Variants in IL1RN observed in about 807,000 individuals in gnomAD.
IL1RN encodes the protein interleukin-1 receptor antagonist protein.
In IL1RN, 10 loss-of-function variants were observed where a neutral mutation model predicts 13.7. The observed-to-expected ratio is 0.73, with a 90% CI of 0.45 to 1.24. The LOEUF (loss-of-function observed/expected upper bound fraction) is 1.24, where lower values mean the gene tolerates loss of function less well. IL1RN is among the 50% of genes most tolerant of loss of function. The pLI, the probability that IL1RN is intolerant of heterozygous loss-of-function variation, is 0.00. For synonymous variants in IL1RN, 102 were observed against 82.7 expected (o/e 1.23, Z -1.27); for missense variants, 213 against 222.1 (o/e 0.96, Z 0.26).
chr2:113,119,540 G>A (rs1179853352), intron 1 of IL1RN, among the ~76,000 whole-genome samples: 4 of 152,216 alleles, frequency 2.6e-5, no homozygotes, highest in Non-Finnish European at 4.4e-5. Context: ...CTGTCCCCCA[G>A]TGGGTACAAT....
chr2:113,116,842 T>C (rs1165892323), upstream of IL1RN, among the ~76,000 whole-genome samples: 1 of 152,216 alleles, frequency 6.6e-6, no homozygotes, highest in African/African-American at 2.4e-5. Context: ...GTACTGCGTG[T>C]CATTCATGCT....
intron 1 of IL1RN, chr2:113,118,088 T>C (rs1368057674): frequency 2.4e-5 from 39 of 1,612,744 alleles, no homozygotes; most frequent in Non-Finnish European, 3.3e-5. Context: ...ATGTCTACAA[T>C]TGGTGTTTAT....
chr2:113,133,200 C>T lies in IL1RN; in HGVS notation c.*329C>T. ...TCCTCTTGCCACTGCCTCTTCCTCC[C>T]TCATTCCACCTTCCCATGCCCTGGA... On this transcript the variant is annotated 3_prime_UTR_variant, in exon 4 of 4. Coordinates refer to ENST00000409930, the MANE Select transcript of IL1RN (RefSeq NM_173842.3). 2.4e-6 allele frequency: 1 copy of T among 423,026 alleles called. No individual in the cohort carries two copies. Among genetic ancestry groups the T allele is most frequent in the South Asian group, 2.1e-5 (1 of 47,452 alleles). The allele number at this position is 423,026 out of a possible 1,614,324, so 26.2% of individuals were successfully genotyped here. A position where few individuals can be genotyped will look rare whatever the true frequency, so the allele number is the denominator to read the frequency against.
chr2:113,119,323 T>C (rs747408857), intron 1 of IL1RN, among the ~76,000 whole-genome samples: 1 of 152,210 alleles, frequency 6.6e-6, no homozygotes, highest in Non-Finnish European at 1.5e-5. Flanking sequence ...TGCTCACATT[T>C]TCAGAAGAGG....
intron 1 of IL1RN, among the ~76,000 whole-genome samples, chr2:113,118,495 G>T (rs1686656186): frequency 6.7e-6 from 1 of 150,108 alleles, no homozygotes; most frequent in Non-Finnish European, 1.5e-5. Flanking sequence ...GGCACAGTCA[G>T]TTCCACCAGT....
intron 1 of IL1RN, 61 bp downstream of exon 1, chr2:113,127,801 A>G: frequency 1.3e-6 from 2 of 1,551,094 alleles, no homozygotes; most frequent in Non-Finnish European, 1.8e-6. Context: ...GAAACATATC[A>G]CAGCTGCCAG....
chr2:113,128,492 T>G (rs1687045269), intron 1 of IL1RN, among the ~76,000 whole-genome samples: 1 of 152,008 alleles, frequency 6.6e-6, no homozygotes, highest in African/African-American at 2.4e-5. Context: ...GGTGTATGAG[T>G]GACAAGTCTC....
At chr2:113,109,269 G>T (rs967065482), upstream of IL1RN, among the ~76,000 whole-genome samples, 1 of 152,054 alleles carries the variant, frequency 6.6e-6, no homozygotes, top group African/African-American at 2.4e-5. Context: ...AAAATTAGCT[G>T]GGTGTGGGGG....
upstream of IL1RN, among the ~76,000 whole-genome samples, chr2:113,116,797 CTG>C (rs907038655): frequency 1.3e-5 from 2 of 152,196 alleles, no homozygotes; most frequent in Non-Finnish European, 2.9e-5. Flanking sequence ...CAGCAAGGGC[CTG>C]TGTAAATGCA....
chr2:113,115,279 A>T (rs1686570620), upstream of IL1RN, among the ~76,000 whole-genome samples: 1 of 152,026 alleles, frequency 6.6e-6, no homozygotes, highest in South Asian at 2.1e-4. Context: ...CAGTCTTCTC[A>T]CGGCATCCAG....
In IL1RN at chr2:113,129,600, C is replaced by T; in HGVS notation, c.141C>T (p.Thr47=). Residue 47 remains threonine, a synonymous_variant, in exon 2 of 4, where the codon ACC becomes ACT. Transcript: ENST00000409930. ...AFRIWDVNQK[T]FYLRNNQLVA... ...GAATCTGGGATGTTAACCAGAAGAC[C>T]TTCTATCTGAGGAACAACCAACTAG... 3 of 1,611,648 alleles carry T rather than the reference C, an allele frequency of 1.9e-6. No individual in the cohort carries two copies. Among genetic ancestry groups the T allele is most frequent in the Non-Finnish European group, 2.5e-6 (3 of 1,177,696 alleles).
At chr2:113,108,260 T>A (rs1246204889), upstream of IL1RN, among the ~76,000 whole-genome samples, 1 of 152,040 alleles carries the variant, frequency 6.6e-6, no homozygotes, top group Non-Finnish European at 1.5e-5. Flanking sequence ...GGTTATAAAT[T>A]TTTTTTATTA....
In IL1RN at chr2:113,132,764, G is replaced by A. The variant is rs143317628; in HGVS notation, c.427G>A (p.Gly143Ser). 9.9e-6 allele frequency: 16 copies of A among 1,614,126 alleles called. No individual in the cohort carries two copies. The highest frequency in any genetic ancestry group is 8.0e-5 in the African/African-American group (6 of 74,946). Residue 143 changes from glycine to serine, a missense_variant, in exon 4 of 4, where the codon GGT becomes AGT. Gly to Ser is a moderately conservative substitution (Grantham distance 56, BLOSUM62 0). Coordinates refer to ENST00000409930, the MANE Select transcript of IL1RN (RefSeq NM_173842.3). ...CAGTTTTGAGTCTGCCGCCTGCCCC[G>A]GTTGGTTCCTCTGCACAGCGATGGA... ...TTSFESAACPGWFLCTAMEAD... is the reference protein window; with the variant it reads ...TTSFESAACPSWFLCTAMEAD...
chr2:113,109,411 T>A (rs1442790522), upstream of IL1RN, among the ~76,000 whole-genome samples: 3 of 133,104 alleles, frequency 2.3e-5, no homozygotes, highest in Non-Finnish European at 3.2e-5. Flanking sequence ...AAACGCCATC[T>A]AAAAAAAAAA....
upstream of IL1RN, among the ~76,000 whole-genome samples, chr2:113,103,295 CAATT>C (rs1268109678): frequency 6.6e-6 from 1 of 152,120 alleles, no homozygotes; most frequent in East Asian, 1.9e-4. Flanking sequence ...TGTCTAGAGT[CAATT>C]AAAGTGTTAC....
intron 2 of IL1RN, among the ~76,000 whole-genome samples, chr2:113,130,557 C>A (rs598859): frequency 0.21 from 32,141 of 150,532 alleles, 4,199 homozygotes; most frequent in South Asian, 0.29. Context: ...GAAATATGGA[C>A]ATCACATGGA....
chr2:113,132,653 C>T lies in IL1RN; in HGVS notation c.319-3C>T. 1.9e-6 allele frequency: 3 copies of T among 1,613,946 alleles called. No individual in the cohort carries two copies. Among genetic ancestry groups the T allele is most frequent in the Non-Finnish European group, 2.5e-6 (3 of 1,179,814 alleles). On this transcript the variant is annotated splice_polypyrimidine_tract_variant and splice_region_variant and intron_variant, in intron 3 of 3. Coordinates refer to ENST00000409930, the MANE Select transcript of IL1RN (RefSeq NM_173842.3). ...TCTCACCTGCCCATCTTTTGATTTC[C>T]AGGCAGTTAACATCACTGACCTGAG...
intron 1 of IL1RN, chr2:113,112,862 A>T (rs979282739): frequency 6.6e-6 from 1 of 152,260 alleles, no homozygotes; most frequent in Non-Finnish European, 1.5e-5. Context: ...CACTTGGCAC[A>T]CAGTGGTTGG....
At chr2:113,124,579 AC>A (rs1399774932), upstream of IL1RN, among the ~76,000 whole-genome samples, 1 of 152,092 alleles carries the variant, frequency 6.6e-6, no homozygotes, top group Non-Finnish European at 1.5e-5. Context: ...CTCCCACTTT[AC>A]CTGGGGTAAA....
Sources: gnomAD v4.1 joint callset for allele counts (sites outside exome capture counted in the v4.1 genomes callset) on GRCh38, gnomAD v4.1.1 for gene constraint, MANE v1.5 for transcripts, NCBI Gene and HGNC (gene_info 2026-07-23, HGNC 2026-07-21) for gene names.